The following SLC16A7 variants were observed in gnomAD, a reference collection of about 807,000 sequenced individuals.
SLC16A7 encodes the protein monocarboxylate transporter 2.
In SLC16A7, 33 loss-of-function variants were observed where a neutral mutation model predicts 34.9. The ratio of observed to expected loss-of-function variants is 0.94; its 90% CI spans 0.72 to 1.26. The LOEUF is 1.26. Among genes scored for constraint, SLC16A7 ranks in the 50% most tolerant of loss-of-function variants. SLC16A7 has a pLI of 0.00. For synonymous variants in SLC16A7, 201 were observed against 206.6 expected (o/e 0.97, Z 0.23); for missense variants, 573 against 578.1 (o/e 0.99, Z 0.09).
chr12:59,597,840 A>T (rs1479658953), intron 1 of SLC16A7, among the ~76,000 whole-genome samples: 1 of 152,196 alleles, frequency 6.6e-6, no homozygotes, highest in Non-Finnish European at 1.5e-5. Flanking sequence ...CAAATACAAC[A>T]ACAGTTTGCA....
intron 3 of SLC16A7, 59 bp downstream of exon 3, chr12:59,705,077 A>G (rs1176805527): frequency 4.4e-6 from 5 of 1,146,486 alleles, no homozygotes; most frequent in Non-Finnish European, 6.6e-6. Flanking sequence ...CCATGTCACA[A>G]TGTTTTACAT....
chr12:59,629,474 C>A (rs1354240358), intron 1 of SLC16A7, among the ~76,000 whole-genome samples: 1 of 151,850 alleles, frequency 6.6e-6, no homozygotes, highest in African/African-American at 2.4e-5. Context: ...TATGTTATAA[C>A]CAGTATCCAT....
At chr12:59,756,221 C>CA (rs528362684) in intron 3 of SLC16A7, among the ~76,000 whole-genome samples, 18,592 of 151,896 alleles carry the variant, frequency 0.12, 1,482 homozygotes, top group African/African-American at 0.22. Context: ...TCTAAAACAC[C>CA]AAAGCAATGG....
intron 2 of SLC16A7, among the ~76,000 whole-genome samples, chr12:59,695,360 A>T (rs1221936720): frequency 3.3e-5 from 5 of 151,930 alleles, no homozygotes; most frequent in African/African-American, 1.2e-4. Context: ...CCCAGCTTTA[A>T]AAAGCCACCG....
chr12:59,610,740 C>T (rs1264472653), intron 1 of SLC16A7, among the ~76,000 whole-genome samples: 1 of 152,164 alleles, frequency 6.6e-6, no homozygotes, highest in Non-Finnish European at 1.5e-5. Context: ...AATGATGTTC[C>T]AGCATACATG....
intron 2 of SLC16A7, among the ~76,000 whole-genome samples, chr12:59,673,962 T>C (rs1870097614): frequency 6.6e-6 from 1 of 152,158 alleles, no homozygotes; most frequent in South Asian, 2.1e-4. Context: ...TCAACCAAAA[T>C]ATTTTTATGA....
Position 59,779,676 on chromosome 12 carries a change from T to G in SLC16A7, c.1434T>G (p.Ile478Met), listed in dbSNP as rs979431941. The change falls in exon 6 of 6, where the codon ATT becomes ATG. Residue 478 changes from isoleucine (I) to methionine (M), a missense_variant. Ile to Met is a conservative substitution (Grantham distance 10). Transcript: ENST00000547379. ...QSVTSERETN[I>M] ...TAACCTCAGAAAGAGAAACTAACATTTAACAAGAATCACATCTCTGATTTC... is the reference window on the plus strand; with the variant it reads ...TAACCTCAGAAAGAGAAACTAACATGTAACAAGAATCACATCTCTGATTTC... 12 of 1,605,140 alleles carry G rather than the reference T, an allele frequency of 7.5e-6. No individual in the cohort carries two copies. Among genetic ancestry groups the G allele is most frequent in the African/African-American group, 1.3e-5 (1 of 74,552 alleles).
chr12:59,710,879 C>A (rs1874148817), intron 3 of SLC16A7, among the ~76,000 whole-genome samples: 1 of 152,300 alleles, frequency 6.6e-6, no homozygotes, highest in Non-Finnish European at 1.5e-5. Context: ...TGTCTTCCAG[C>A]TCAACTAGCA....
intron 3 of SLC16A7, among the ~76,000 whole-genome samples, chr12:59,739,009 A>AT (rs71074385): frequency 9.1e-5 from 13 of 142,516 alleles, no homozygotes; most frequent in African/African-American, 1.1e-4. Flanking sequence ...CTGGGTGTAA[A>AT]TTTTTTTTTC....
At chr12:59,664,927 G>C (rs1381872203) in intron 2 of SLC16A7, 2 of 152,052 alleles carry the variant, frequency 1.3e-5, no homozygotes, top group Admixed American at 1.3e-4. Flanking sequence ...TCAAACGCAG[G>C]TTCTCTCTCT....
At chr12:59,674,865 C>T (rs1027070349) in intron 2 of SLC16A7, among the ~76,000 whole-genome samples, 2 of 152,166 alleles carry the variant, frequency 1.3e-5, no homozygotes, top group Admixed American at 1.3e-4. Flanking sequence ...TCTCGTATCC[C>T]AGATTACAGT....
chr12:59,613,974 AC>A (rs1289126503), intron 1 of SLC16A7, among the ~76,000 whole-genome samples: 2 of 152,156 alleles, frequency 1.3e-5, no homozygotes, highest in Non-Finnish European at 2.9e-5. Context: ...ACCGAATGAA[AC>A]AAATTTGATA....
chr12:59,645,328 C>G (rs1260442111), intron 1 of SLC16A7, among the ~76,000 whole-genome samples: 2 of 151,992 alleles, frequency 1.3e-5, no homozygotes, highest in East Asian at 3.9e-4. Context: ...GGGCTGTGTC[C>G]CCACCCAAAT....
intron 4 of SLC16A7, among the ~76,000 whole-genome samples, chr12:59,773,135 T>G (rs1592690737): frequency 1.3e-5 from 2 of 151,898 alleles, no homozygotes; most frequent in African/African-American, 4.8e-5. Context: ...CTCTGAAACA[T>G]AATACCTGGA....
intron 5 of SLC16A7, among the ~76,000 whole-genome samples, chr12:59,776,798 T>G (rs1882805523): frequency 6.6e-6 from 1 of 152,136 alleles, no homozygotes; most frequent in Non-Finnish European, 1.5e-5. Flanking sequence ...CACAGGTGTT[T>G]TAGGTGGTAT....
chr12:59,625,315 A>G (rs183745101), intron 1 of SLC16A7, among the ~76,000 whole-genome samples: 2 of 151,944 alleles, frequency 1.3e-5, no homozygotes, highest in African/African-American at 4.8e-5. Flanking sequence ...GCACAATTCA[A>G]CTGATGCAGT....
intron 3 of SLC16A7, chr12:59,760,978 T>C (rs899250859): frequency 9.4e-6 from 3 of 318,606 alleles, no homozygotes; most frequent in African/African-American, 6.6e-5. Flanking sequence ...TATCGTAACA[T>C]TGTGCATGGA....
At chr12:59,677,013 G>A (rs1409894281) in intron 2 of SLC16A7, among the ~76,000 whole-genome samples, 2 of 152,058 alleles carry the variant, frequency 1.3e-5, no homozygotes, top group Non-Finnish European at 2.9e-5. Flanking sequence ...TACAGAGACA[G>A]CTTATTTTAA....
chr12:59,639,814 T>G (rs1310789340), intron 1 of SLC16A7, among the ~76,000 whole-genome samples: 1 of 152,174 alleles, frequency 6.6e-6, no homozygotes, highest in African/African-American at 2.4e-5. Context: ...TCAATTCTTA[T>G]GCTAATGGCC....
Sources: gnomAD v4.1 joint callset for allele counts (sites outside exome capture counted in the v4.1 genomes callset) on GRCh38, gnomAD v4.1.1 for gene constraint, MANE v1.5 for transcripts, NCBI Gene and HGNC (gene_info 2026-07-23, HGNC 2026-07-21) for gene names.